The following CHCHD3 variants were observed in gnomAD, a reference collection of about 807,000 sequenced individuals.
CHCHD3 encodes the protein coiled-coil-helix-coiled-coil-helix domain containing 3.
A neutral mutation model predicts 38.2 loss-of-function variants in CHCHD3; 20 were observed. The ratio of observed to expected loss-of-function variants is 0.52; its 90% CI spans 0.37 to 0.76. CHCHD3 has a LOEUF of 0.76. Ranked by LOEUF, CHCHD3 falls within the 30% of genes least tolerant of loss-of-function variation. The pLI is 0.00. For missense variants in CHCHD3, 245 were observed against 279.2 expected (o/e 0.88, Z 0.87); for synonymous variants, 82 against 100.0 (o/e 0.82, Z 1.07).
intron 5 of CHCHD3, among the ~76,000 whole-genome samples, chr7:132,855,826 A>T (rs1002566910): frequency 1.4e-5 from 2 of 138,392 alleles, no homozygotes; most frequent in Non-Finnish European, 3.1e-5. Flanking sequence ...CAGTTCATTC[A>T]TGTGGTACTG....
chr7:132,940,562 G>A (rs777173120), intron 4 of CHCHD3, among the ~76,000 whole-genome samples: 1 of 152,134 alleles, frequency 6.6e-6, no homozygotes, highest in South Asian at 2.1e-4. Flanking sequence ...AACCATGGCC[G>A]TCCTTAGGAA....
At position 133,035,194 on chromosome 7, in the gene CHCHD3, T is replaced by C; in HGVS notation, c.170-10567A>G. 1.2e-6 allele frequency: 2 copies of C among 1,613,762 alleles called. No individual in the cohort carries two copies. Among genetic ancestry groups the C allele is most frequent in the Non-Finnish European group, 1.7e-6 (2 of 1,179,722 alleles). ...TCCTCCTTCCGCTCAGCCTGGGGCTTCTGCTTCTCTTCCCGTGAACCCTTC... is the reference window on the plus strand; with the variant it reads ...TCCTCCTTCCGCTCAGCCTGGGGCTCCTGCTTCTCTTCCCGTGAACCCTTC... On this transcript the variant is annotated intron_variant, in intron 2 of 7. Transcript: ENST00000262570. This position sits in a 1 kb window ranked among gnomAD's most constrained non-coding sequence, Gnocchi z 4.7.
At chr7:132,789,508 C>T (rs539424969) in intron 7 of CHCHD3, among the ~76,000 whole-genome samples, 10 of 152,134 alleles carry the variant, frequency 6.6e-5, no homozygotes, top group African/African-American at 2.2e-4. Context: ...GTGTCATTTC[C>T]GCTTATTAAA....
chr7:133,009,880 T>C (rs1182919636), intron 3 of CHCHD3, among the ~76,000 whole-genome samples: 2 of 152,214 alleles, frequency 1.3e-5, no homozygotes, highest in African/African-American at 4.8e-5. Context: ...GCTTAGATGA[T>C]ATTCATATAC....
At chr7:132,919,044 T>C (rs1186392483) in intron 4 of CHCHD3, among the ~76,000 whole-genome samples, 1 of 151,758 alleles carries the variant, frequency 6.6e-6, no homozygotes, top group Non-Finnish European at 1.5e-5. Flanking sequence ...GCTTATACTG[T>C]ATCTGAATCA....
intron 2 of CHCHD3, among the ~76,000 whole-genome samples, chr7:133,042,330 T>C (rs1357056921): frequency 6.6e-6 from 1 of 152,176 alleles, no homozygotes; most frequent in Admixed American, 6.5e-5. Flanking sequence ...TCTCCAACTA[T>C]CTTACGTTTC....
At chr7:132,891,090 A>G (rs878963146) in intron 4 of CHCHD3, among the ~76,000 whole-genome samples, 1 of 152,238 alleles carries the variant, frequency 6.6e-6, no homozygotes, top group South Asian at 2.1e-4. Flanking sequence ...GCTGTAAAAC[A>G]TGATCACTGT....
At chr7:132,818,767 A>G (rs1163180260) in intron 6 of CHCHD3, among the ~76,000 whole-genome samples, 1 of 152,206 alleles carries the variant, frequency 6.6e-6, no homozygotes, top group Non-Finnish European at 1.5e-5. Flanking sequence ...CACTATATAG[A>G]AATCTGAACT....
intron 4 of CHCHD3, among the ~76,000 whole-genome samples, chr7:132,927,402 C>T (rs1810402364): frequency 6.6e-6 from 1 of 152,204 alleles, no homozygotes; most frequent in Non-Finnish European, 1.5e-5. Flanking sequence ...AAGTAGACAT[C>T]AAACAATCTA....
At chr7:132,834,454 T>C (rs984923920) in intron 6 of CHCHD3, among the ~76,000 whole-genome samples, 1 of 152,186 alleles carries the variant, frequency 6.6e-6, no homozygotes, top group Non-Finnish European at 1.5e-5. Flanking sequence ...TTGTGTGCAA[T>C]GGAGTTAGTC....
intron 5 of CHCHD3, among the ~76,000 whole-genome samples, chr7:132,838,766 A>G (rs548652109): frequency 6.6e-6 from 1 of 152,230 alleles, no homozygotes; most frequent in Non-Finnish European, 1.5e-5. Flanking sequence ...TTAGATTGCC[A>G]TTATTTGGAA....
At position 132,975,296 on chromosome 7, in the gene CHCHD3, C is replaced by T. The variant is rs2117332958; in HGVS notation, c.252-10G>A. 1 of 1,594,222 alleles carries T rather than the reference C, an allele frequency of 6.3e-7. No homozygotes were observed. Reference sequence around the variant, plus strand: ...TTTGGCTTGCTTTAGTCTAAAATGACAAGAATTGTCTAAGTTAGAAAAAAT... The same window carrying T: ...TTTGGCTTGCTTTAGTCTAAAATGATAAGAATTGTCTAAGTTAGAAAAAAT... On this transcript the variant is annotated splice_polypyrimidine_tract_variant and intron_variant, in intron 3 of 7. Coordinates refer to ENST00000262570, the MANE Select transcript of CHCHD3 (RefSeq NM_017812.4).
intron 5 of CHCHD3, among the ~76,000 whole-genome samples, chr7:132,880,726 A>G (rs1395999922): frequency 6.6e-6 from 1 of 152,190 alleles, no homozygotes; most frequent in African/African-American, 2.4e-5. Flanking sequence ...ACTAATCACA[A>G]GTATTATAAA....
intron 4 of CHCHD3, among the ~76,000 whole-genome samples, chr7:132,888,644 C>T (rs531396979): frequency 6.6e-6 from 1 of 151,850 alleles, no homozygotes; most frequent in African/African-American, 2.4e-5. Context: ...AAAGCAACAA[C>T]TAAGAGTGAA....
intron 2 of CHCHD3, among the ~76,000 whole-genome samples, chr7:133,064,605 T>C (rs1814616579): frequency 6.6e-6 from 1 of 152,220 alleles, no homozygotes; most frequent in African/African-American, 2.4e-5. Context: ...TTTCCCAAAA[T>C]TGGCTGTTTA....
chr7:132,842,604 A>G (rs1049386027), intron 5 of CHCHD3, among the ~76,000 whole-genome samples: 1 of 152,174 alleles, frequency 6.6e-6, no homozygotes. Context: ...CATCTGTAAC[A>G]GTTCCTCAGT....
chr7:132,797,208 C>A (rs749697325), intron 6 of CHCHD3, among the ~76,000 whole-genome samples: 19 of 152,218 alleles, frequency 1.2e-4, no homozygotes, highest in Non-Finnish European at 2.4e-4. Flanking sequence ...CTGCACACAG[C>A]TGAAGCCTGG....
chr7:132,785,745 T>C, intron 7 of CHCHD3, 85 bp from the exon 8 acceptor site: 5 of 1,366,108 alleles, frequency 3.7e-6, no homozygotes, highest in Non-Finnish European at 5.2e-6. Flanking sequence ...TGATTTGTGT[T>C]GCTTTTCAAA....
At chr7:133,037,085 T>C (rs114594685) in intron 2 of CHCHD3, among the ~76,000 whole-genome samples, 1,569 of 152,358 alleles carry the variant, frequency 0.01, 31 homozygotes, top group African/African-American at 0.036. Flanking sequence ...AGAATTTATC[T>C]GAATCTCTTT....
Sources: allele counts gnomAD v4.1 joint callset (sites outside exome capture counted in the v4.1 genomes callset), GRCh38; gene constraint gnomAD v4.1.1; non-coding constraint Gnocchi (gnomAD v3.1); transcripts MANE v1.5; gene names NCBI Gene and HGNC (gene_info 2026-07-23, HGNC 2026-07-21).